Variants in SH3RF1 observed in about 807,000 individuals in gnomAD.
SH3RF1 encodes E3 ubiquitin-protein ligase SH3RF1.
In SH3RF1, 32 loss-of-function variants were observed where a neutral mutation model predicts 74.0. That is an observed-to-expected ratio of 0.43 (90% CI 0.33 to 0.58). The LOEUF (loss-of-function observed/expected upper bound fraction) is 0.58. Among genes scored for constraint, SH3RF1 ranks in the 20% least tolerant of loss-of-function variants. The pLI, the probability that SH3RF1 is intolerant of heterozygous loss-of-function variation, is 0.05. For synonymous variants in SH3RF1, 396 were observed against 439.6 expected (o/e 0.90, Z 1.24); for missense variants, 954 against 1,130.9 (o/e 0.84, Z 2.24).
intron 10 of SH3RF1, among the ~76,000 whole-genome samples, chr4:169,109,189 T>C (rs575168051): frequency 3.9e-5 from 6 of 152,310 alleles, no homozygotes; most frequent in Admixed American, 3.9e-4. Context: ...AAGCACACAC[T>C]AGTCCACGGA....
chr4:169,269,385 C>G (rs1561069694), intron 1 of SH3RF1, 78 bp from the exon 2 acceptor site: 1 of 649,866 alleles, frequency 1.5e-6, no homozygotes, highest in Admixed American at 3.4e-5. Flanking sequence ...AGCCAAGAAT[C>G]AAAAAGTACC....
At chr4:169,096,840 T>A (rs1732940148) in intron 11 of SH3RF1, among the ~76,000 whole-genome samples, 153 bp from the exon 12 acceptor site, 1 of 152,216 alleles carries the variant, frequency 6.6e-6, no homozygotes, top group Admixed American at 6.5e-5. Context: ...TATTTTCTGT[T>A]TAGTAGAGAC....
At chr4:169,234,214 G>A (rs749431839) in intron 2 of SH3RF1, among the ~76,000 whole-genome samples, 1 of 152,022 alleles carries the variant, frequency 6.6e-6, no homozygotes, top group African/African-American at 2.4e-5. Context: ...TCCCACTTGG[G>A]ATAATTAATC....
chr4:169,160,416 C>T (rs375218261), intron 2 of SH3RF1, among the ~76,000 whole-genome samples: 6 of 152,120 alleles, frequency 3.9e-5, no homozygotes, highest in African/African-American at 1.4e-4. Flanking sequence ...AGACCAGTGG[C>T]AAGGAGAAAG....
intron 11 of SH3RF1, among the ~76,000 whole-genome samples, chr4:169,103,660 C>T (rs1174700393): frequency 1.3e-5 from 2 of 152,102 alleles, no homozygotes; most frequent in Non-Finnish European, 2.9e-5. Context: ...ATAACATTTT[C>T]CTATATGTTA....
chr4:169,199,382 T>A (rs1734871480), intron 2 of SH3RF1, among the ~76,000 whole-genome samples: 1 of 152,184 alleles, frequency 6.6e-6, no homozygotes, highest in Non-Finnish European at 1.5e-5. Context: ...TACACAGACG[T>A]TCAAAGACTC....
chr4:169,163,181 C>A (rs1308293526), intron 2 of SH3RF1, among the ~76,000 whole-genome samples: 3 of 151,018 alleles, frequency 2.0e-5, no homozygotes, highest in Non-Finnish European at 4.4e-5. Flanking sequence ...GTACTCTCAT[C>A]ATTAATCATT....
At chr4:169,236,651 A>G (rs1346972172) in intron 2 of SH3RF1, among the ~76,000 whole-genome samples, 4 of 152,162 alleles carry the variant, frequency 2.6e-5, no homozygotes, top group African/African-American at 9.7e-5. Context: ...AGTACCTAAA[A>G]CATTGCCTGG....
intron 2 of SH3RF1, among the ~76,000 whole-genome samples, chr4:169,237,888 C>T (rs990035546): frequency 3.3e-5 from 5 of 152,100 alleles, no homozygotes; most frequent in Non-Finnish European, 5.9e-5. Context: ...CGCTCCACAC[C>T]CTTGAAATCT....
chr4:169,128,767 A>G (rs1162819315), intron 6 of SH3RF1, among the ~76,000 whole-genome samples: 1 of 152,224 alleles, frequency 6.6e-6, no homozygotes, highest in African/African-American at 2.4e-5. Context: ...GCAGAGGGAA[A>G]TAAAATCTTT....
intron 2 of SH3RF1, among the ~76,000 whole-genome samples, chr4:169,188,692 T>C (rs1282602722): frequency 1.3e-5 from 2 of 152,238 alleles, no homozygotes; most frequent in East Asian, 3.8e-4. Context: ...CTTTCTGGCT[T>C]ATGTAACAAT....
chr4:169,133,769 C>T (rs1733654263), intron 5 of SH3RF1, among the ~76,000 whole-genome samples: 1 of 151,270 alleles, frequency 6.6e-6, no homozygotes, highest in Non-Finnish European at 1.5e-5. Context: ...AGTGAGACTC[C>T]ATCTCAAAAA....
rs542901961 is a variant in SH3RF1 at position 169,129,586 on chromosome 4, A to G, written c.1179+460T>C. Among the ~76,000 whole-genome samples, 6 of 152,362 alleles carry G rather than the reference A, an allele frequency of 3.9e-5. No individual in the cohort carries two copies. The South Asian group carries it at 1.2e-3, about 32-fold the overall frequency. Reference sequence around the variant, plus strand: ...CTTTAAACAGCCACAGCTACAGACCATATGGACACAAGACAAGAAATTAAA... The same window carrying G: ...CTTTAAACAGCCACAGCTACAGACCGTATGGACACAAGACAAGAAATTAAA... On this transcript the variant is annotated intron_variant, in intron 6 of 11. Coordinates refer to ENST00000284637, the MANE Select transcript of SH3RF1 (RefSeq NM_020870.4).
chr4:169,110,709 C>T (rs1343173719), intron 10 of SH3RF1, among the ~76,000 whole-genome samples: 1 of 152,028 alleles, frequency 6.6e-6, no homozygotes, highest in African/African-American at 2.4e-5. Context: ...AATTTGGGGG[C>T]GGGGGATTTG....
chr4:169,247,225 G>A (rs192342485), intron 2 of SH3RF1, among the ~76,000 whole-genome samples: 2 of 152,316 alleles, frequency 1.3e-5, no homozygotes, highest in Admixed American at 1.3e-4. Context: ...GGGAAGAGGT[G>A]GGGAAAAGAG....
chr4:169,100,426 C>T (rs1733000751), intron 11 of SH3RF1, among the ~76,000 whole-genome samples: 1 of 152,158 alleles, frequency 6.6e-6, no homozygotes, highest in Non-Finnish European at 1.5e-5. Flanking sequence ...ACCACAAACT[C>T]CGCCTCCTGG....
chr4:169,106,954 C>A lies in SH3RF1; in HGVS notation c.2391G>T (p.Arg797Ser). ...CTGCGGAGTCCAGGGAACTTGCCTT[C>A]CTATGAAAAGCATCCTGGGCCAGGG... is the stretch of plus-strand genomic sequence containing the variant. ...GAALAQDAFH[R>S]KASSLDSAVP... The change falls in exon 11 of 12, where the codon AGG (arginine) becomes AGT (serine). Residue 797 changes from arginine to serine, a missense_variant. Transcript: ENST00000284637. 6.2e-7 allele frequency: 1 copy of A among 1,613,904 alleles called. No individual in the cohort carries two copies.
At chr4:169,258,616 A>G (rs1235717223) in intron 2 of SH3RF1, among the ~76,000 whole-genome samples, 1 of 152,244 alleles carries the variant, frequency 6.6e-6, no homozygotes. Context: ...ATCACTGTGC[A>G]TAAAACACAA....
chr4:169,209,904 C>T (rs72708507), intron 2 of SH3RF1, among the ~76,000 whole-genome samples: 8,112 of 152,260 alleles, frequency 0.053, 299 homozygotes, highest in South Asian at 0.19. Context: ...ATCCTCTCTC[C>T]CTAGTCACCC....
Sources: allele counts gnomAD v4.1 joint callset (sites outside exome capture counted in the v4.1 genomes callset), GRCh38; gene constraint gnomAD v4.1.1; transcripts MANE v1.5; gene names NCBI Gene and HGNC (gene_info 2026-07-23, HGNC 2026-07-21).